The following RER1 variants were observed in gnomAD, a reference collection of about 807,000 sequenced individuals.
RER1 encodes retention in endoplasmic reticulum sorting receptor 1.
In RER1, 6 loss-of-function variants were observed where a neutral mutation model predicts 28.3. The ratio of observed to expected loss-of-function variants is 0.21; its 90% confidence interval spans 0.12 to 0.42. The LOEUF is 0.42. Ranked by LOEUF, RER1 falls within the 10% of genes least tolerant of loss-of-function variation. The pLI is 1.00. For synonymous variants in RER1, 110 were observed against 95.9 expected (o/e 1.15, Z -0.86); for missense variants, 159 against 252.9 (o/e 0.63, Z 2.52).
In RER1 at chr1:2,403,131, G is replaced by A. The variant is rs1488369352; in HGVS notation, c.*7G>A. ...CAAGGCCTTCGCCAGCTAGAAGCGG[G>A]ACTGAGGCTGCCTCACGTGTTGCAA... On this transcript the variant is annotated 3_prime_UTR_variant, in exon 7 of 7. Transcript: ENST00000605895. The A allele has an allele frequency of 6.2e-7, 1 of 1,610,752 alleles. No homozygotes were observed. The highest frequency in any genetic ancestry group is 8.5e-7 in the Non-Finnish European group (1 of 1,176,918).
At position 2,395,772 on chromosome 1, in the gene RER1, T is replaced by C. The variant is rs201550815; in HGVS notation, c.-7-12T>C. The C allele has an allele frequency of 1.4e-4, 224 of 1,598,092 alleles. No homozygotes were observed. The highest frequency in any genetic ancestry group is 1.6e-4 in the Non-Finnish European group (181 of 1,165,514). ...GCTTTTTACTGAAAAGTATTTTGTG[T>C]TTTTCTCCCAGTTACAGAATGTCTG... On this transcript the variant is annotated splice_polypyrimidine_tract_variant and intron_variant, in intron 1 of 6. Coordinates refer to ENST00000605895, the MANE Select transcript of RER1 (RefSeq NM_007033.5).
At chr1:2,396,627 C>T (rs1472308657) in intron 2 of RER1, among the ~76,000 whole-genome samples, 2 of 152,222 alleles carry the variant, frequency 1.3e-5, no homozygotes, top group Non-Finnish European at 2.9e-5. Flanking sequence ...TCGGTCATGT[C>T]CACAGCCGCC....
chr1:2,399,701 G>T (rs1340283162), intron 4 of RER1, among the ~76,000 whole-genome samples, 187 bp downstream of exon 4: 1 of 152,224 alleles, frequency 6.6e-6, no homozygotes, highest in Non-Finnish European at 1.5e-5. Context: ...CACGAAGTGG[G>T]TGTTCATTCT....
At chr1:2,397,329 A>G in intron 3 of RER1, 109 bp downstream of exon 3, 1 of 743,660 alleles carries the variant, frequency 1.3e-6, no homozygotes, top group Non-Finnish European at 2.4e-6. Flanking sequence ...GGTCTCTAGT[A>G]ATCAATTTTC....
In RER1 at chr1:2,403,138, G is replaced by A; in HGVS notation, c.*14G>A. 6.2e-7 allele frequency: 1 copy of A among 1,604,114 alleles called. No homozygotes were observed. ...TTCGCCAGCTAGAAGCGGGACTGAG[G>A]CTGCCTCACGTGTTGCAAGAACAGT... On this transcript the variant is annotated 3_prime_UTR_variant, in exon 7 of 7. Transcript: ENST00000605895.
At chr1:2,394,822 A>AC (rs2100397026) in intron 1 of RER1, 1 of 152,274 alleles carries the variant, frequency 6.6e-6, no homozygotes, top group East Asian at 1.9e-4. Context: ...GGTGAACGTC[A>AC]CCCCTGGCGT....
rs2100412515 is a variant in RER1, at chr1:2,403,778, C to T, written c.*654C>T. 1 of 152,670 alleles carries T rather than the reference C, an allele frequency of 6.6e-6. No homozygotes were observed. Among genetic ancestry groups the T allele is most frequent in the Non-Finnish European group, 1.5e-5 (1 of 68,018 alleles). 9.5% of individuals were successfully genotyped at this position (152,670 alleles called of 1,614,324 possible). A position where few individuals can be genotyped will look rare whatever the true frequency, so the allele number is the denominator to read the frequency against. ...TGTTTGAGATTATTTTGACACATTT[C>T]TTTGATACGTAGAGTGTTTTGTTTT... On this transcript the variant is annotated 3_prime_UTR_variant, in exon 7 of 7. Coordinates refer to ENST00000605895, the MANE Select transcript of RER1 (RefSeq NM_007033.5).
chr1:2,395,335 G>T lies in RER1; in HGVS notation c.-7-449G>T, dbSNP rs866075097. 2.5e-5 allele frequency: 5 copies of T among 196,526 alleles called. 1 individual carries two copies. The highest frequency in any genetic ancestry group is 4.9e-3 in the Middle Eastern group (2 of 412). The allele number at this position is 196,526 out of a possible 1,614,324, so 12.2% of individuals were successfully genotyped here. A position where few individuals can be genotyped will look rare whatever the true frequency, so the allele number is the denominator to read the frequency against. ...AGAGGACAGGATCCCTCCTGCTCCT[G>T]CCAGACCAGAGACCCAGGACAGGGC... On this transcript the variant is annotated intron_variant, in intron 1 of 6. Transcript: ENST00000605895.
intron 6 of RER1, 37 bp from the exon 7 acceptor site, chr1:2,402,998 G>A (rs779473495): frequency 1.9e-6 from 3 of 1,543,232 alleles, no homozygotes; most frequent in South Asian, 1.1e-5. Context: ...ACTGGAGAGC[G>A]GTTGTGCAGT....
At chr1:2,401,399 T>TC (rs1642859471) in intron 5 of RER1, among the ~76,000 whole-genome samples, 1 of 68,208 alleles carries the variant, frequency 1.5e-5, no homozygotes, top group African/African-American at 5.9e-5. Context: ...TCCTCCTCCC[T>TC]CCTCCTCCCT....
chr1:2,396,795 CAGT>C (rs1642774522), intron 2 of RER1, among the ~76,000 whole-genome samples: 1 of 152,216 alleles, frequency 6.6e-6, no homozygotes, highest in African/African-American at 2.4e-5. Context: ...TTGAGATGCA[CAGT>C]CCTCTCTTTG....
chr1:2,392,114 G>C (rs952995931), intron 1 of RER1, among the ~76,000 whole-genome samples, 156 bp downstream of exon 1: 1 of 151,516 alleles, frequency 6.6e-6, no homozygotes, highest in Non-Finnish European at 1.5e-5. Flanking sequence ...TTCCCGACCC[G>C]CGGCCCTGAG....
intron 1 of RER1, among the ~76,000 whole-genome samples, chr1:2,393,437 G>A (rs1642720948): frequency 6.6e-6 from 1 of 152,178 alleles, no homozygotes; most frequent in Non-Finnish European, 1.5e-5. Flanking sequence ...CGGTAACGGA[G>A]GCCTGTGAAG....
At chr1:2,397,495 G>A (rs556928915) in intron 3 of RER1, among the ~76,000 whole-genome samples, 1 of 152,300 alleles carries the variant, frequency 6.6e-6, no homozygotes, top group South Asian at 2.1e-4. Flanking sequence ...GGCCTGGACA[G>A]TGGAGCCGCT....
chr1:2,392,475 A>G (rs1642695103), intron 1 of RER1, among the ~76,000 whole-genome samples: 1 of 152,200 alleles, frequency 6.6e-6, no homozygotes, highest in African/African-American at 2.4e-5. Flanking sequence ...TCGTATTCTA[A>G]ATAGGCAATA....
At chr1:2,396,085 T>C in intron 2 of RER1, 1 of 559,922 alleles carries the variant, frequency 1.8e-6, no homozygotes, top group Non-Finnish European at 3.2e-6. Context: ...AACATATGCG[T>C]TTTCTGTTTC....
Position 2,405,312 on chromosome 1 carries a change from G to A in RER1, c.*2188G>A, listed in dbSNP as rs1215218702. The A allele has an allele frequency of 6.1e-6, 2 of 330,238 alleles. No individual in the cohort carries two copies. The highest frequency in any genetic ancestry group is 4.4e-5 in the Admixed American group (1 of 22,746). The allele number at this position is 330,238 out of a possible 1,614,324, so 20.5% of individuals were successfully genotyped here. ...GGCTGCTGTTCTCACTGCACTGGCT[G>A]AAGCAACCCGCCAGCCTCCGTGCCC... On this transcript the variant is annotated 3_prime_UTR_variant, in exon 7 of 7. Coordinates refer to ENST00000605895, the MANE Select transcript of RER1 (RefSeq NM_007033.5).
Position 2,402,337 on chromosome 1 carries a change from A to C in RER1, c.496A>C (p.Ile166Leu). The C allele has an allele frequency of 3.7e-6, 6 of 1,614,186 alleles. No homozygotes were observed. The highest frequency in any genetic ancestry group is 5.1e-6 in the Non-Finnish European group (6 of 1,180,030). Residue 166 changes from isoleucine (I) to leucine (L), a missense_variant, in exon 6 of 7, where the codon ATC becomes CTC. Coordinates refer to ENST00000605895, the MANE Select transcript of RER1 (RefSeq NM_007033.5). Reference protein sequence around the residue: ...MLFCITMKRQIKHMIKYRYIP... With the variant: ...MLFCITMKRQLKHMIKYRYIP... The stretch of plus-strand genomic sequence containing the variant: ...CTTCTGTATCACGATGAAGAGGCAA[A>C]TCAAGGTAAAGCAGAGGCGCTGCCG...
intron 3 of RER1, among the ~76,000 whole-genome samples, chr1:2,398,002 T>C (rs914621427): frequency 6.6e-6 from 1 of 152,234 alleles, no homozygotes; most frequent in South Asian, 2.1e-4. Context: ...ATTTTTGTTT[T>C]TAAATTGGAA....
Sources: allele counts gnomAD v4.1 joint callset (sites outside exome capture counted in the v4.1 genomes callset), GRCh38; gene constraint gnomAD v4.1.1; transcripts MANE v1.5; gene names NCBI Gene and HGNC (gene_info 2026-07-23, HGNC 2026-07-21).